Variants in TUSC3 observed in about 807,000 individuals in gnomAD.
The protein encoded by TUSC3 is dolichyl-diphosphooligosaccharide--protein glycosyltransferase subunit TUSC3.
In TUSC3, 45 loss-of-function variants were observed where a neutral mutation model predicts 44.8. The observed-to-expected ratio is 1.00, with a 90% CI of 0.79 to 1.29. The LOEUF (loss-of-function observed/expected upper bound fraction) is 1.29, where lower values mean the gene tolerates loss of function less well. Ranked by LOEUF, TUSC3 falls within the 50% of genes most tolerant of loss-of-function variation. TUSC3 has a pLI of 0.00. For synonymous variants in TUSC3, 212 were observed against 152.9 expected (o/e 1.39, Z -2.85); for missense variants, 519 against 437.9 (o/e 1.19, Z -1.65).
chr8:15,800,520 C>A, the TUSC3 span, among the ~76,000 whole-genome samples: 6 of 151,440 alleles, frequency 4.0e-5, no homozygotes, highest in East Asian at 1.2e-3. Flanking sequence ...CTGCAGTGAG[C>A]TGAGATCATG....
chr8:15,523,700 GTGTGTGTGTA>G (rs1563273678), intron 2 of TUSC3, among the ~76,000 whole-genome samples: 15 of 103,306 alleles, frequency 1.5e-4, no homozygotes, highest in African/African-American at 3.9e-4. Flanking sequence ...GTGTGTGTGT[GTGTGTGTGTA>G]TATATATATA....
the TUSC3 span, among the ~76,000 whole-genome samples, chr8:15,823,781 G>C: frequency 2.1e-5 from 3 of 144,802 alleles, no homozygotes; most frequent in African/African-American, 7.5e-5. Flanking sequence ...AAATCAAACA[G>C]AGACTGGCAA....
At chr8:15,448,463 G>A (rs1800141689) in intron 1 of TUSC3, among the ~76,000 whole-genome samples, 1 of 151,992 alleles carries the variant, frequency 6.6e-6, no homozygotes, top group African/African-American at 2.4e-5. Context: ...GCATGTATCA[G>A]CATAACTTTT....
At chr8:15,638,245 T>C (rs1282848589) in intron 2 of TUSC3, among the ~76,000 whole-genome samples, 1 of 151,172 alleles carries the variant, frequency 6.6e-6, no homozygotes, top group Non-Finnish European at 1.5e-5. Flanking sequence ...TGTTCTTGCA[T>C]GGATTACTGA....
intron 1 of TUSC3, among the ~76,000 whole-genome samples, chr8:15,457,631 T>C (rs1375036282): frequency 2.0e-5 from 3 of 150,396 alleles, no homozygotes; most frequent in Non-Finnish European, 3.0e-5. Flanking sequence ...AAAAACCTGG[T>C]AATAATTCAA....
At chr8:15,741,682 G>A (rs1811203549) in intron 7 of TUSC3, among the ~76,000 whole-genome samples, 1 of 150,954 alleles carries the variant, frequency 6.6e-6, no homozygotes, top group African/African-American at 2.4e-5. Flanking sequence ...GTGAAACTGT[G>A]TCTCTAAAAA....
chr8:15,717,684 G>C (rs931132800), intron 6 of TUSC3, among the ~76,000 whole-genome samples: 1 of 151,916 alleles, frequency 6.6e-6, no homozygotes, highest in African/African-American at 2.4e-5. Flanking sequence ...TATTTCTCTA[G>C]CACTCATTTG....
intron 1 of TUSC3, among the ~76,000 whole-genome samples, chr8:15,457,196 T>C (rs1278858741): frequency 6.6e-6 from 1 of 150,544 alleles, no homozygotes; most frequent in East Asian, 2.0e-4. Context: ...AGGGTTAGCA[T>C]TAGGAGATAC....
chr8:15,501,059 AAGAC>A (rs1800957654), intron 2 of TUSC3, among the ~76,000 whole-genome samples: 1 of 151,360 alleles, frequency 6.6e-6, no homozygotes, highest in Admixed American at 6.6e-5. Context: ...ACCCAAGTCT[AAGAC>A]AGACAGTTTA....
chr8:15,510,607 A>C (rs1263695253), intron 2 of TUSC3, among the ~76,000 whole-genome samples: 1 of 152,120 alleles, frequency 6.6e-6, no homozygotes, highest in Non-Finnish European at 1.5e-5. Context: ...ACCTTCCCAC[A>C]CAGAAAACTC....
At chr8:15,470,905 C>T (rs752893473) in intron 1 of TUSC3, among the ~76,000 whole-genome samples, 3 of 152,086 alleles carry the variant, frequency 2.0e-5, no homozygotes, top group Non-Finnish European at 2.9e-5. Context: ...GTGCCCTGAG[C>T]TGAGGGGACA....
chr8:15,626,133 A>C (rs1044362343), intron 2 of TUSC3, among the ~76,000 whole-genome samples: 1 of 152,122 alleles, frequency 6.6e-6, no homozygotes, highest in Non-Finnish European at 1.5e-5. Context: ...TCCCCAAGGT[A>C]GCTGACTGTG....
chr8:15,551,707 C>T (rs1456906169), intron 1 of TUSC3, among the ~76,000 whole-genome samples: 1 of 151,678 alleles, frequency 6.6e-6, no homozygotes, highest in Non-Finnish European at 1.5e-5. Flanking sequence ...TTGTCTTAGT[C>T]ATTACTGCCG....
intron 6 of TUSC3, among the ~76,000 whole-genome samples, chr8:15,698,673 T>G (rs2129194093): frequency 6.6e-6 from 1 of 152,328 alleles, no homozygotes; most frequent in South Asian, 2.1e-4. Context: ...AGGATATTTT[T>G]TCTGTGCCAT....
At chr8:15,609,747 A>G (rs1348271141) in intron 1 of TUSC3, among the ~76,000 whole-genome samples, 3 of 140,206 alleles carry the variant, frequency 2.1e-5, no homozygotes, top group Non-Finnish European at 3.2e-5. Context: ...GAGGACAACA[A>G]ACATTTAAAA....
At chr8:15,572,012 T>G (rs1053022686) in intron 1 of TUSC3, among the ~76,000 whole-genome samples, 1 of 152,162 alleles carries the variant, frequency 6.6e-6, no homozygotes, top group Admixed American at 6.5e-5. Flanking sequence ...GCGCTGGACC[T>G]TAGGCTTTTC....
In TUSC3 at chr8:15,736,847, A is replaced by G. The variant is rs563495850; in HGVS notation, c.862+6118A>G. 2.6e-5 allele frequency among the ~76,000 whole-genome samples: 4 copies of G among 152,294 alleles called. No homozygotes were observed. The South Asian group carries it at 8.3e-4, about 32-fold the overall frequency. On this transcript the variant is annotated intron_variant, in intron 7 of 10. Transcript: ENST00000503731. ...TAATGTTCCCACTGAATTCACCAAGATATGGTCTCTCTGTATGAGTGGATA... is the reference window on the plus strand; with the variant it reads ...TAATGTTCCCACTGAATTCACCAAGGTATGGTCTCTCTGTATGAGTGGATA...
intron 6 of TUSC3, among the ~76,000 whole-genome samples, chr8:15,714,889 C>G (rs995818924): frequency 6.6e-6 from 1 of 152,138 alleles, no homozygotes; most frequent in African/African-American, 2.4e-5. Flanking sequence ...ATTAATAGCT[C>G]TCTTGGTAGG....
At chr8:15,528,831 T>C (rs778797874) in intron 2 of TUSC3, among the ~76,000 whole-genome samples, 2 of 152,222 alleles carry the variant, frequency 1.3e-5, no homozygotes, top group African/African-American at 4.8e-5. Flanking sequence ...TGAATTTTCT[T>C]AGTGAGTCTA....
Sources: gnomAD v4.1 joint callset for allele counts (sites outside exome capture counted in the v4.1 genomes callset) on GRCh38, gnomAD v4.1.1 for gene constraint, MANE v1.5 for transcripts, NCBI Gene and HGNC (gene_info 2026-07-23, HGNC 2026-07-21) for gene names.